The following LRIG2 variants were observed in gnomAD, a reference collection of about 807,000 sequenced individuals.
The protein encoded by LRIG2 is leucine rich repeats and immunoglobulin like domains 2.
In LRIG2, 93 loss-of-function variants were observed where a neutral mutation model predicts 107.8. That is an observed-to-expected ratio of 0.86 (90% CI 0.73 to 1.03). The LOEUF is 1.03. Among genes scored for constraint, LRIG2 ranks in the 50% least tolerant of loss-of-function variants. LRIG2 has a pLI of 0.00. For missense variants in LRIG2, 1,226 were observed against 1,296.0 expected (o/e 0.95, Z 0.83); for synonymous variants, 471 against 470.6 (o/e 1.00, Z -0.01).
intron 11 of LRIG2, among the ~76,000 whole-genome samples, chr1:113,104,326 C>T (rs79089040): frequency 3.2e-4 from 49 of 152,258 alleles, no homozygotes; most frequent in African/African-American, 1.1e-3. Context: ...GGACTGTAGG[C>T]CCCCCACCCT....
chr1:113,097,675 T>C (rs984658444), intron 8 of LRIG2, among the ~76,000 whole-genome samples: 5 of 152,346 alleles, frequency 3.3e-5, no homozygotes, highest in African/African-American at 9.6e-5. Flanking sequence ...TGGGAAGTAA[T>C]AGCAGAAGTA....
intron 2 of LRIG2, among the ~76,000 whole-genome samples, chr1:113,091,972 C>T (rs1270427440): frequency 6.6e-6 from 1 of 152,170 alleles, no homozygotes; most frequent in Non-Finnish European, 1.5e-5. Flanking sequence ...TTTGCCTCTA[C>T]AATTAACACC....
At chr1:113,082,243 G>C (rs1172008410) in intron 1 of LRIG2, among the ~76,000 whole-genome samples, 1 of 152,170 alleles carries the variant, frequency 6.6e-6, no homozygotes, top group African/African-American at 2.4e-5. Context: ...TTAAAATCTA[G>C]TGATATCTTC....
At chr1:113,113,664 G>A (rs1239055987) in intron 14 of LRIG2, among the ~76,000 whole-genome samples, 2 of 151,668 alleles carry the variant, frequency 1.3e-5, no homozygotes, top group Non-Finnish European at 2.9e-5. Flanking sequence ...CCGGGTTCAA[G>A]TGATTCTCCT....
chr1:113,084,863 C>G (rs1653476402), intron 1 of LRIG2, among the ~76,000 whole-genome samples: 1 of 152,146 alleles, frequency 6.6e-6, no homozygotes, highest in African/African-American at 2.4e-5. Flanking sequence ...TGAAAGCATT[C>G]TTATATTTCC....
At chr1:113,113,416 G>A (rs1455344469) in intron 14 of LRIG2, among the ~76,000 whole-genome samples, 1 of 150,742 alleles carries the variant, frequency 6.6e-6, no homozygotes, top group Non-Finnish European at 1.5e-5. Flanking sequence ...CAAATCCAGG[G>A]TAAATTCTAC....
chr1:113,100,173 G>C (rs771282393), intron 9 of LRIG2, 38 bp from the exon 10 acceptor site: 1 of 1,269,024 alleles, frequency 7.9e-7, no homozygotes, highest in Non-Finnish European at 1.1e-6. Flanking sequence ...ATTTTGTTTA[G>C]TGGAGAGCTT....
In LRIG2 at chr1:113,124,076, TTCAA is replaced by T. The variant is rs1655385179; in HGVS notation, c.3174_3177del (p.Ile1058MetfsTer22). Reference sequence around the variant, plus strand: ...TTTGATTTTAGTAGGACTCGGAACATTCAAGATGGTAGTGAGGGCACATGAAACT... The same window carrying T: ...TTTGATTTTAGTAGGACTCGGAACATGATGGTAGTGAGGGCACATGAAACT... On this transcript the variant is annotated frameshift_variant, in exon 18 of 18. Transcript: ENST00000361127. LOFTEE classifies it high-confidence loss of function. The T allele has an allele frequency of 6.2e-7, 1 of 1,614,080 alleles. No individual in the cohort carries two copies. The highest frequency in any genetic ancestry group is 8.5e-7 in the Non-Finnish European group (1 of 1,180,042).
chr1:113,110,226 A>AT lies in LRIG2; in HGVS notation c.1478-9dup, dbSNP rs771447104. Reference sequence around the variant, plus strand: ...AAATAACTGACTTGGCTACGGATGCATTTTTTTCCCCTTAGATGATTTTCT... The same window carrying AT: ...AAATAACTGACTTGGCTACGGATGCATTTTTTTTCCCCTTAGATGATTTTCT... On this transcript the variant is annotated splice_polypyrimidine_tract_variant and intron_variant, in intron 12 of 17. Transcript: ENST00000361127. 1.7e-5 allele frequency: 26 copies of AT among 1,547,080 alleles called. No individual in the cohort carries two copies. The highest frequency in any genetic ancestry group is 2.8e-5 in the African/African-American group (2 of 72,308).
intron 2 of LRIG2, 78 bp downstream of exon 2, chr1:113,091,461 A>G: frequency 1.2e-6 from 1 of 860,848 alleles, no homozygotes; most frequent in Non-Finnish European, 1.8e-6. Flanking sequence ...GGGATGTTTA[A>G]TCCAGAGATG....
Position 113,110,450 on chromosome 1 carries a change from T to C in LRIG2, c.1686T>C (p.Thr562=), listed in dbSNP as rs770321771. ...WQQAGEALEY[T]SILHLFNVNF... ...AAGCTGGAGAAGCTCTGGAATATAC[T>C]AGTATCTTACATCTTTTCAATGTGA... is the stretch of plus-strand genomic sequence containing the variant. The change falls in exon 13 of 18, where the codon ACT becomes ACC. Residue 562 remains threonine, a synonymous_variant. Coordinates refer to ENST00000361127, the MANE Select transcript of LRIG2 (RefSeq NM_014813.3). 6.2e-7 allele frequency: 1 copy of C among 1,613,752 alleles called. No homozygotes were observed. Among genetic ancestry groups the C allele is most frequent in the South Asian group, 1.1e-5 (1 of 91,072 alleles).
At position 113,094,697 on chromosome 1, in the gene LRIG2, A is replaced by G; in HGVS notation, c.745A>G (p.Asn249Asp). The G allele has an allele frequency of 6.2e-7, 1 of 1,613,984 alleles. No homozygotes were observed. The highest frequency in any genetic ancestry group is 1.3e-5 in the African/African-American group (1 of 75,034). ...CTTAAGATCTTTGAAAATGCAGCGG[A>G]ATGGAATTAGCAAACTTAAGGATGG... is the stretch of plus-strand genomic sequence containing the variant. ...DSLRSLKMQR[N>D]GISKLKDGAF... The change falls in exon 6 of 18, where the codon AAT becomes GAT. Residue 249 changes from asparagine (N) to aspartate (D), a missense_variant. Physicochemically the swap from Asn to Asp is conservative, Grantham distance 23. Coordinates refer to ENST00000361127, the MANE Select transcript of LRIG2 (RefSeq NM_014813.3).
At chr1:113,077,413 A>G (rs1169154535) in intron 1 of LRIG2, among the ~76,000 whole-genome samples, 2 of 152,168 alleles carry the variant, frequency 1.3e-5, no homozygotes, top group East Asian at 3.8e-4. Flanking sequence ...AAGTGCCAGG[A>G]TTACAGGCAT....
chr1:113,079,490 C>T (rs2101015124), intron 1 of LRIG2, among the ~76,000 whole-genome samples: 1 of 151,382 alleles, frequency 6.6e-6, no homozygotes, highest in East Asian at 2.0e-4. Context: ...TGAGATCAGC[C>T]TGGCTAAGAT....
At chr1:113,089,128 G>A (rs1653682697) in intron 1 of LRIG2, among the ~76,000 whole-genome samples, 1 of 152,224 alleles carries the variant, frequency 6.6e-6, no homozygotes, top group Non-Finnish European at 1.5e-5. Flanking sequence ...TTGTTCTAAT[G>A]TGATAGAGAC....
At chr1:113,121,974 CAG>C (rs1432478142) in intron 17 of LRIG2, among the ~76,000 whole-genome samples, 2 of 151,272 alleles carry the variant, frequency 1.3e-5, no homozygotes, top group Non-Finnish European at 2.9e-5. Flanking sequence ...GAAATCTGGG[CAG>C]AGACTTATTA....
chr1:113,125,406 A>G lies in LRIG2; in HGVS notation c.*1305A>G, dbSNP rs1471591406. ...AGCCTGGCAGTCCTGTCACAGCTGT[A>G]TGCACCTAGAGGAAAACTTGTTTGG... On this transcript the variant is annotated 3_prime_UTR_variant, in exon 18 of 18. Transcript: ENST00000361127. 1 of 152,128 alleles carries G rather than the reference A, an allele frequency of 6.6e-6. No individual in the cohort carries two copies. Among genetic ancestry groups the G allele is most frequent in the Non-Finnish European group, 1.5e-5 (1 of 68,014 alleles). 9.4% of individuals were successfully genotyped at this position (152,128 alleles called of 1,614,324 possible). A position where few individuals can be genotyped will look rare whatever the true frequency, so the allele number is the denominator to read the frequency against.
intron 12 of LRIG2, 88 bp downstream of exon 12, chr1:113,107,845 A>G: frequency 1.7e-6 from 2 of 1,201,288 alleles, no homozygotes; most frequent in Non-Finnish European, 1.1e-6. Context: ...GTTTTCCACT[A>G]GGAATTTTTG....
chr1:113,098,421 C>G (rs924769832), intron 8 of LRIG2, among the ~76,000 whole-genome samples: 1 of 152,158 alleles, frequency 6.6e-6, no homozygotes, highest in African/African-American at 2.4e-5. Flanking sequence ...ATGAAGGGCT[C>G]TTTGCTTGGA....
Sources: allele counts gnomAD v4.1 joint callset (sites outside exome capture counted in the v4.1 genomes callset), GRCh38; gene constraint gnomAD v4.1.1; transcripts MANE v1.5; gene names NCBI Gene and HGNC (gene_info 2026-07-23, HGNC 2026-07-21).